Variants in DAB2 observed in about 807,000 individuals in gnomAD.
The protein encoded by DAB2 is DAB adaptor protein 2, also known as disabled homolog 2.
Under a neutral mutation model 71.6 loss-of-function variants are expected in DAB2, and 28 were observed. The ratio of observed to expected loss-of-function variants is 0.39; its 90% confidence interval spans 0.29 to 0.54. DAB2 has a LOEUF of 0.54. Ranked by LOEUF, DAB2 falls within the 20% of genes least tolerant of loss-of-function variation. DAB2 has a pLI of 0.68. For synonymous variants in DAB2, 345 were observed against 339.7 expected (o/e 1.02, Z -0.17); for missense variants, 867 against 928.8 (o/e 0.93, Z 0.86).
chr5:39,376,177 T>C (rs1408416589), intron 12 of DAB2, 71 bp from the exon 13 acceptor site: 1 of 1,235,578 alleles, frequency 8.1e-7, no homozygotes, highest in Non-Finnish European at 1.2e-6. Context: ...CCGAGTCAGC[T>C]TATTTTTGAA....
intron 1 of DAB2, among the ~76,000 whole-genome samples, chr5:39,424,288 C>G (rs982657513): frequency 2.0e-5 from 3 of 152,000 alleles, no homozygotes; most frequent in Non-Finnish European, 4.4e-5. Context: ...TTAGGAATGC[C>G]GGTGTAAGAC....
chr5:39,374,917 C>T (rs776214246), intron 14 of DAB2, 97 bp downstream of exon 14: 174 of 794,906 alleles, frequency 2.2e-4, no homozygotes, highest in Non-Finnish European at 2.7e-4. Context: ...GATATTTACC[C>T]TCTTCCCAAT....
In DAB2 at chr5:39,373,341, A is replaced by G. The variant is rs969461812; in HGVS notation, c.*90T>C. 1 of 152,532 alleles carries G rather than the reference A, an allele frequency of 6.6e-6. No individual in the cohort carries two copies. Among genetic ancestry groups the G allele is most frequent in the Non-Finnish European group, 1.5e-5 (1 of 68,036 alleles). 9.4% of individuals were successfully genotyped at this position (152,532 alleles called of 1,614,324 possible). A position where few individuals can be genotyped will look rare whatever the true frequency, so the allele number is the denominator to read the frequency against. On this transcript the variant is annotated 3_prime_UTR_variant, in exon 15 of 15. Transcript: ENST00000320816. ...CGTCAAAGCTGGAACAAGGGCAGAA[A>G]TCAGAACGTGTCTGGCTATCAGCTT...
Position 39,383,044 on chromosome 5 carries a change from T to C in DAB2, c.915A>G (p.Gln305=). Residue 305 remains glutamine (Q), a synonymous_variant, in exon 10 of 15, where the codon CAA becomes CAG. Transcript: ENST00000320816. ...GAGAATCAAACGAAGAAGGTGTCGA[T>C]TGGTCTGGCTGTGTGAAAGGATCGT... is the stretch of plus-strand genomic sequence containing the variant. The part of the protein sequence containing the change: ...FRDDPFTQPD[Q]STPSSFDSLK... 2 of 1,614,042 alleles carry C rather than the reference T, an allele frequency of 1.2e-6. No homozygotes were observed. Among genetic ancestry groups the C allele is most frequent in the Non-Finnish European group, 8.5e-7 (1 of 1,180,008 alleles).
chr5:39,389,052 G>C (rs376272610), intron 7 of DAB2, 45 bp downstream of exon 7: 13 of 1,589,228 alleles, frequency 8.2e-6, no homozygotes, highest in Non-Finnish European at 1.1e-5. Context: ...AGGGGCTTAC[G>C]CATGTCACAC....
chr5:39,405,751 C>A (rs1379548122), intron 1 of DAB2, among the ~76,000 whole-genome samples: 1 of 152,164 alleles, frequency 6.6e-6, no homozygotes, highest in Non-Finnish European at 1.5e-5. Context: ...TGCTGTTCTC[C>A]ATTTTGTACT....
intron 9 of DAB2, among the ~76,000 whole-genome samples, chr5:39,387,112 T>C (rs1028343619): frequency 1.3e-5 from 2 of 152,168 alleles, no homozygotes; most frequent in Non-Finnish European, 2.9e-5. Context: ...GAAGAATGCA[T>C]GAAGTCCCTG....
chr5:39,405,099 G>C (rs1366664197), intron 1 of DAB2, among the ~76,000 whole-genome samples: 1 of 152,224 alleles, frequency 6.6e-6, no homozygotes, highest in East Asian at 1.9e-4. Context: ...GCAAAGCTGG[G>C]TGTAAGTTAA....
At chr5:39,378,924 G>A (rs1193140147) in intron 11 of DAB2, among the ~76,000 whole-genome samples, 2 of 152,256 alleles carry the variant, frequency 1.3e-5, no homozygotes, top group Non-Finnish European at 2.9e-5. Context: ...CAAATCAAGA[G>A]AAAAGTTATA....
rs138066412 is a variant in DAB2, at chr5:39,396,643, G to T, written c.-101-2222C>A. 9.1e-3 allele frequency among the ~76,000 whole-genome samples: 1,380 copies of T among 152,212 alleles called. 8 individuals are homozygous for T. Among genetic ancestry groups the T allele is most frequent in the Non-Finnish European group, 0.016 (1,080 of 68,022 alleles). On this transcript the variant is annotated intron_variant, in intron 1 of 14. Coordinates refer to ENST00000320816, the MANE Select transcript of DAB2 (RefSeq NM_001343.4). ...GTTAAATGTACAATTTTGTCTTTAG[G>T]CAGTGAATTATTCAGATGGGACTGC...
At chr5:39,396,649 A>C (rs1188750724) in intron 1 of DAB2, among the ~76,000 whole-genome samples, 1 of 152,222 alleles carries the variant, frequency 6.6e-6, no homozygotes, top group Non-Finnish European at 1.5e-5. Flanking sequence ...TTAGGCAGTG[A>C]ATTATTCAGA....
chr5:39,375,150 G>A, intron 13 of DAB2, 66 bp from the exon 14 acceptor site: 1 of 1,200,094 alleles, frequency 8.3e-7, no homozygotes, highest in South Asian at 1.3e-5. Flanking sequence ...TCGCAATGAA[G>A]ACTTCCAAAA....
intron 5 of DAB2, 139 bp downstream of exon 5, chr5:39,390,305 A>AT: frequency 1.8e-6 from 2 of 1,127,428 alleles, no homozygotes; most frequent in Non-Finnish European, 2.5e-6. Context: ...CCATAGGCCA[A>AT]TAAAAATAGT....
intron 1 of DAB2, among the ~76,000 whole-genome samples, chr5:39,394,986 C>T (rs1256089443): frequency 6.6e-6 from 1 of 152,066 alleles, no homozygotes; most frequent in African/African-American, 2.4e-5. Flanking sequence ...CCTTTTTTGC[C>T]ATTAACACTT....
intron 1 of DAB2, among the ~76,000 whole-genome samples, chr5:39,414,087 A>C (rs1755792386): frequency 6.6e-6 from 1 of 152,170 alleles, no homozygotes; most frequent in Non-Finnish European, 1.5e-5. Flanking sequence ...TCAAATGATA[A>C]GTAGAAGTCA....
chr5:39,377,045 G>A lies in DAB2; in HGVS notation c.1742C>T (p.Pro581Leu). Reference protein sequence around the residue: ...VVWGPSASVAPNAWSTTSPLG... With the variant: ...VVWGPSASVALNAWSTTSPLG... ...AGGGCTTGTTGTTGACCAAGCATTG[G>A]GTGCCACAGATGCAGAAGGGCCCCA... is the stretch of plus-strand genomic sequence containing the variant. The change falls in exon 12 of 15, where the codon CCC (proline) becomes CTC (leucine). Residue 581 changes from proline (P) to leucine (L), a missense_variant. Pro to Leu is a moderately conservative substitution (Grantham distance 98). Transcript: ENST00000320816. 6.2e-7 allele frequency: 1 copy of A among 1,614,122 alleles called. No individual in the cohort carries two copies. The highest frequency in any genetic ancestry group is 2.2e-5 in the East Asian group (1 of 44,858).
intron 1 of DAB2, among the ~76,000 whole-genome samples, chr5:39,406,265 G>A (rs892009322): frequency 1.3e-5 from 2 of 152,172 alleles, no homozygotes; most frequent in Non-Finnish European, 2.9e-5. Flanking sequence ...GCATGGGCAT[G>A]CCTTGGTGCA....
In DAB2 at chr5:39,395,508, A is replaced by G. The variant is rs922686647; in HGVS notation, c.-101-1087T>C. Among the ~76,000 whole-genome samples the G allele has an allele frequency of 2.6e-5, 4 of 152,244 alleles. No individual in the cohort carries two copies. In the South Asian group the frequency reaches 8.3e-4, roughly 31 times the overall value. On this transcript the variant is annotated intron_variant, in intron 1 of 14. Coordinates refer to ENST00000320816, the MANE Select transcript of DAB2 (RefSeq NM_001343.4). ...CTTAAAGAATATCTAAATAAAAAGT[A>G]AGTCTCAAGTTTTTACTCAATTTAA... is the stretch of plus-strand genomic sequence containing the variant.
rs756646946 is a variant in DAB2, at chr5:39,377,289, TA to T, written c.1505-8del. The T allele has an allele frequency of 2.5e-6, 4 of 1,601,446 alleles. No homozygotes were observed. In the Admixed American group the frequency reaches 5.2e-5, roughly 21 times the overall value. ...AGTGTGACAGTTACACCACCTGAAG[TA>T]AGAGGAAGAAAAATACTTATCAGGA... is the stretch of plus-strand genomic sequence containing the variant. On this transcript the variant is annotated splice_region_variant and splice_polypyrimidine_tract_variant and intron_variant, in intron 11 of 14. Coordinates refer to ENST00000320816, the MANE Select transcript of DAB2 (RefSeq NM_001343.4).
Sources: allele counts gnomAD v4.1 joint callset (sites outside exome capture counted in the v4.1 genomes callset), GRCh38; gene constraint gnomAD v4.1.1; transcripts MANE v1.5; gene names NCBI Gene and HGNC (gene_info 2026-07-23, HGNC 2026-07-21).